The following KCNN2 variants were observed in gnomAD, a reference collection of about 807,000 sequenced individuals.
KCNN2 encodes small conductance calcium-activated potassium channel protein 2.
A neutral mutation model predicts 55.5 loss-of-function variants in KCNN2; 24 were observed. That is an observed-to-expected ratio of 0.43 (90% CI 0.31 to 0.61). The LOEUF is 0.61. KCNN2 is among the 20% of genes least tolerant of loss of function. KCNN2 has a pLI of 0.08. For missense variants in KCNN2, 754 were observed against 853.6 expected, an observed-to-expected ratio of 0.88 and a Z score of 1.45; for synonymous variants, 431 against 336.1, an observed-to-expected ratio of 1.28 and a Z score of -3.09.
At chr5:114,455,981 G>C (rs1760905686) in intron 3 of KCNN2, among the ~76,000 whole-genome samples, 1 of 152,196 alleles carries the variant, frequency 6.6e-6, no homozygotes, top group Non-Finnish European at 1.5e-5. Flanking sequence ...ATAAAAGCAA[G>C]GTGAAGCAGG....
intron 3 of KCNN2, among the ~76,000 whole-genome samples, chr5:114,416,833 G>A (rs894134135): frequency 1.3e-5 from 2 of 152,114 alleles, no homozygotes; most frequent in African/African-American, 2.4e-5. Flanking sequence ...AGGAATCATG[G>A]TTTGTAAATA....
At chr5:114,432,332 A>T (rs1265224743) in intron 3 of KCNN2, among the ~76,000 whole-genome samples, 1 of 152,216 alleles carries the variant, frequency 6.6e-6, no homozygotes, top group Non-Finnish European at 1.5e-5. Context: ...GCCCCTCTTT[A>T]TCTCTAATCG....
At chr5:114,492,902 A>G (rs1163322928) in intron 6 of KCNN2, among the ~76,000 whole-genome samples, 6 of 151,814 alleles carry the variant, frequency 4.0e-5, no homozygotes, top group African/African-American at 1.5e-4. Context: ...TTTTTTGTTA[A>G]TAAGAATCTC....
At chr5:114,151,401 C>T (rs1171229291) in intron 1 of KCNN2, among the ~76,000 whole-genome samples, 3 of 152,148 alleles carry the variant, frequency 2.0e-5, no homozygotes, top group Non-Finnish European at 4.4e-5. Flanking sequence ...CACTCCAGCT[C>T]CCTTCCTTCC....
chr5:114,106,643 G>GTTTTTTTTTTTTTTTT (rs149036166), intron 1 of KCNN2, among the ~76,000 whole-genome samples: 3 of 69,932 alleles, frequency 4.3e-5, no homozygotes, highest in Non-Finnish European at 6.3e-5. Context: ...TTTTCCAGTT[G>GTTTTTTTTTTTTTTTT]TTTTTTTTTT....
At chr5:114,458,020 A>C (rs755836499) in intron 3 of KCNN2, among the ~76,000 whole-genome samples, 10 of 152,166 alleles carry the variant, frequency 6.6e-5, no homozygotes, top group Non-Finnish European at 1.5e-4. Context: ...TAATTGACAT[A>C]AGAATGTGTT....
intron 2 of KCNN2, among the ~76,000 whole-genome samples, chr5:114,354,389 A>C (rs562644830): frequency 6.6e-6 from 1 of 152,162 alleles, no homozygotes; most frequent in East Asian, 1.9e-4. Flanking sequence ...TATACTAGAA[A>C]ATTGTTTGGA....
chr5:114,253,810 A>G (rs1486818010), intron 2 of KCNN2: 2 of 152,312 alleles, frequency 1.3e-5, no homozygotes, highest in East Asian at 3.9e-4. Flanking sequence ...GGCTTTTTAC[A>G]GATTATGAAT....
rs190652922 is a variant in KCNN2, at chr5:114,084,678, A to G, written c.-271+28178A>G. 5.3e-4 allele frequency among the ~76,000 whole-genome samples: 80 copies of G among 152,150 alleles called. 1 individual carries two copies. In the East Asian group the frequency reaches 6.6e-3, roughly 12 times the overall value. On this transcript the variant is annotated intron_variant, in intron 1 of 10. Transcript: ENST00000512097. Reference sequence around the variant, plus strand: ...ATAATTTTAATTTTAATGAAGTGCTACTTATCAAATTTTTTGATCATGGAT... The same window carrying G: ...ATAATTTTAATTTTAATGAAGTGCTGCTTATCAAATTTTTTGATCATGGAT...
chr5:114,191,623 AG>A (rs767395769), intron 1 of KCNN2, among the ~76,000 whole-genome samples: 37 of 152,320 alleles, frequency 2.4e-4, no homozygotes, highest in Admixed American at 1.1e-3. Context: ...CCAGTACAGC[AG>A]TCATAGCACT....
chr5:114,472,542 G>A (rs1257070375), intron 4 of KCNN2, among the ~76,000 whole-genome samples: 11 of 51,656 alleles, frequency 2.1e-4, no homozygotes, highest in Admixed American at 7.9e-4. Context: ...TCTTGTGTGT[G>A]TGGAACACTG....
At chr5:114,205,379 C>T (rs1055399037) in intron 1 of KCNN2, among the ~76,000 whole-genome samples, 1 of 152,158 alleles carries the variant, frequency 6.6e-6, no homozygotes, top group African/African-American at 2.4e-5. Context: ...AATATGCTGC[C>T]TAGTCATTTT....
At chr5:114,425,085 G>T (rs1440881215) in intron 3 of KCNN2, among the ~76,000 whole-genome samples, 1 of 152,188 alleles carries the variant, frequency 6.6e-6, no homozygotes, top group Non-Finnish European at 1.5e-5. Context: ...GAAAGATAAA[G>T]TTATGTATGA....
rs1757456111 is a variant in KCNN2 at position 114,362,409 on chromosome 5, C to G, written c.270C>G (p.Leu90=). 3.3e-6 allele frequency: 1 copy of G among 306,956 alleles called. No homozygotes were observed. The highest frequency in any genetic ancestry group is 6.0e-6 in the Non-Finnish European group (1 of 166,668). The allele number at this position is 306,956 out of a possible 1,614,324, so 19.0% of individuals were successfully genotyped here. A position where few individuals can be genotyped will look rare whatever the true frequency, so the allele number is the denominator to read the frequency against. The change falls in exon 1 of 8, where the codon CTC becomes CTG. Residue 90 remains leucine, a synonymous_variant. Transcript: ENST00000673685. ...CGGGAGATAACCTGTCCCTGCTGCT[C>G]CGCACCTCCTCGCCCGGCGGCGCCT... is the stretch of plus-strand genomic sequence containing the variant. ...AGAGDNLSLL[L]RTSSPGGAFR... is the part of the protein sequence containing the mutation.
intron 1 of KCNN2, among the ~76,000 whole-genome samples, chr5:114,114,626 G>C (rs921032714): frequency 1.3e-5 from 2 of 152,086 alleles, no homozygotes; most frequent in Non-Finnish European, 2.9e-5. Context: ...CATGGACTAT[G>C]AATAAAATGG....
intron 2 of KCNN2, among the ~76,000 whole-genome samples, chr5:114,387,871 C>A (rs1056736549): frequency 6.6e-6 from 1 of 152,146 alleles, no homozygotes; most frequent in Non-Finnish European, 1.5e-5. Context: ...CCTCTGCTCC[C>A]ACTCAGATAT....
intron 2 of KCNN2, among the ~76,000 whole-genome samples, chr5:114,256,210 G>A (rs1372818150): frequency 6.6e-6 from 1 of 151,392 alleles, no homozygotes; most frequent in Admixed American, 6.6e-5. Flanking sequence ...AGGATTCCAT[G>A]GTATGGGTGT....
intron 5 of KCNN2, among the ~76,000 whole-genome samples, chr5:114,480,299 C>T (rs576298089): frequency 6.6e-5 from 10 of 152,086 alleles, no homozygotes; most frequent in East Asian, 3.9e-4. Context: ...TACCCTCCTA[C>T]GACCGAACCA....
At position 114,241,825 on chromosome 5, in the gene KCNN2, T is replaced by C. The variant is rs868158711; in HGVS notation, c.-185+20260T>C. ...ATATACGTATATATATATATGTGTG[T>C]ATATATATATATATATATATGGAGT... On this transcript the variant is annotated intron_variant, in intron 2 of 10. Transcript: ENST00000512097. Among the ~76,000 whole-genome samples, 2 of 19,136 alleles carry C rather than the reference T, an allele frequency of 1.0e-4. 1 individual carries two copies. The highest frequency in any genetic ancestry group is 2.8e-4 in the Non-Finnish European group (2 of 7,188). 12.6% of individuals were successfully genotyped at this position (19,136 alleles called of 152,430 possible).
Sources: gnomAD v4.1 joint callset for allele counts (sites outside exome capture counted in the v4.1 genomes callset) on GRCh38, gnomAD v4.1.1 for gene constraint, MANE v1.5 for transcripts, NCBI Gene and HGNC (gene_info 2026-07-23, HGNC 2026-07-21) for gene names.